RASGEF1A: variants seen among roughly 807,000 people sequenced by gnomAD.
The protein encoded by RASGEF1A is RasGEF domain family member 1A.
In RASGEF1A, 18 loss-of-function variants were observed where a neutral mutation model predicts 56.4. The observed-to-expected ratio is 0.32, with a 90% CI of 0.22 to 0.47. The LOEUF (loss-of-function observed/expected upper bound fraction) is 0.47. RASGEF1A is among the 20% of genes least tolerant of loss of function. The probability of loss-of-function intolerance (pLI) is 1.00; values close to 1 mark genes in which losing one functional copy is unlikely to be tolerated. For missense variants in RASGEF1A, 422 were observed against 627.1 expected, an observed-to-expected ratio of 0.67 and a Z score of 3.49; for synonymous variants, 245 against 242.6, an observed-to-expected ratio of 1.01 and a Z score of -0.09.
At chr10:43,262,280 T>A (rs1355678714) in intron 1 of RASGEF1A, among the ~76,000 whole-genome samples, 1 of 152,278 alleles carries the variant, frequency 6.6e-6, no homozygotes, top group African/African-American at 2.4e-5. Flanking sequence ...AGCGTTGCCA[T>A]GGCAACCAGA....
intron 1 of RASGEF1A, among the ~76,000 whole-genome samples, chr10:43,215,279 G>C (rs554560414): frequency 6.6e-6 from 1 of 152,328 alleles, no homozygotes; most frequent in African/African-American, 2.4e-5. Context: ...GCCAGCCTTG[G>C]CAGGGGGCTT....
chr10:43,240,133 A>C (rs1665171026), intron 1 of RASGEF1A, among the ~76,000 whole-genome samples: 1 of 152,240 alleles, frequency 6.6e-6, no homozygotes, highest in Non-Finnish European at 1.5e-5. Flanking sequence ...TGCTTAGCTG[A>C]GAGCTGAAAG....
chr10:43,206,226 C>T (rs1216159433), intron 1 of RASGEF1A, 104 bp from the exon 2 acceptor site: 7 of 992,030 alleles, frequency 7.1e-6, no homozygotes, highest in African/African-American at 4.9e-5. Context: ...TGCAGGGGTG[C>T]GTGGCAGGGG....
In RASGEF1A at chr10:43,194,714, AACTGATC is replaced by A. The variant is rs1268092832; in HGVS notation, c.*1523_*1529del. On this transcript the variant is annotated 3_prime_UTR_variant, in exon 13 of 13. Transcript: ENST00000395810. ...AGACACTGTTTCAAGTAGGTACTAGAACTGATCACCCGTGAAGTGCACGTGGGTGTGT... is the reference window on the plus strand; with the variant it reads ...AGACACTGTTTCAAGTAGGTACTAGAACCCGTGAAGTGCACGTGGGTGTGT... The A allele has an allele frequency of 2.6e-5, 4 of 152,384 alleles. No individual in the cohort carries two copies. Among genetic ancestry groups the A allele is most frequent in the Non-Finnish European group, 4.4e-5 (3 of 68,052 alleles). The allele number at this position is 152,384 out of a possible 1,614,324, so 9.4% of individuals were successfully genotyped here. A position where few individuals can be genotyped will look rare whatever the true frequency, so the allele number is the denominator to read the frequency against.
intron 1 of RASGEF1A, among the ~76,000 whole-genome samples, chr10:43,231,276 A>G (rs959067061): frequency 6.6e-6 from 1 of 152,216 alleles, no homozygotes; most frequent in African/African-American, 2.4e-5. Context: ...AGGTGGCTTC[A>G]TGGAGAGCAC....
intron 1 of RASGEF1A, among the ~76,000 whole-genome samples, chr10:43,262,201 A>G (rs1216322296): frequency 2.0e-5 from 3 of 152,144 alleles, no homozygotes; most frequent in Non-Finnish European, 4.4e-5. Context: ...CTGATAAACC[A>G]TCAGAACGCG....
At position 43,198,184 on chromosome 10, in the gene RASGEF1A, G is replaced by T; in HGVS notation, c.1044C>A (p.Asp348Glu). 6.2e-7 allele frequency: 1 copy of T among 1,610,956 alleles called. No homozygotes were observed. Among genetic ancestry groups the T allele is most frequent in the Non-Finnish European group, 8.5e-7 (1 of 1,177,520 alleles). ...AKFDVLEHHM[D>E]PSSNFCNYRT... ...GGTAGTTGCAGAAGTTGCTGGACGG[G>T]TCCATGTGATGCTGTGGGCACAGGG... The change falls in exon 10 of 13, where the codon GAC (aspartate) becomes GAA (glutamate). Residue 348 changes from aspartate (D) to glutamate (E), a missense_variant. This residue lies in a region of RASGEF1A where 149 missense variants were observed against 287.2 expected (regional missense o/e 0.52). Transcript: ENST00000395810.
intron 1 of RASGEF1A, among the ~76,000 whole-genome samples, chr10:43,264,843 C>A (rs1457208860): frequency 6.6e-6 from 1 of 152,140 alleles, no homozygotes; most frequent in Non-Finnish European, 1.5e-5. Context: ...GGGGCCAAAC[C>A]CCCTGCCCCC....
chr10:43,248,290 A>C (rs1212808283), intron 1 of RASGEF1A, among the ~76,000 whole-genome samples: 1 of 146,788 alleles, frequency 6.8e-6, no homozygotes, highest in Non-Finnish European at 1.5e-5. Context: ...TGGGTGACAG[A>C]GGTTGCAGTG....
At chr10:43,211,698 C>A (rs1840071257) in intron 1 of RASGEF1A, among the ~76,000 whole-genome samples, 1 of 152,190 alleles carries the variant, frequency 6.6e-6, no homozygotes. Flanking sequence ...AGGCCCCCCA[C>A]AGCTGCACCC....
At chr10:43,211,889 C>G (rs1307435053) in intron 1 of RASGEF1A, among the ~76,000 whole-genome samples, 1 of 152,226 alleles carries the variant, frequency 6.6e-6, no homozygotes, top group African/African-American at 2.4e-5. Context: ...TCTTGTCCCA[C>G]CTCCCTGCAG....
chr10:43,217,050 A>G (rs1359522568), intron 1 of RASGEF1A, among the ~76,000 whole-genome samples: 1 of 152,136 alleles, frequency 6.6e-6, no homozygotes, highest in Non-Finnish European at 1.5e-5. Context: ...CTGCACTGAG[A>G]GGCATCGTGG....
In RASGEF1A at chr10:43,236,408, G is replaced by A. The variant is rs754430175; in HGVS notation, c.-6-30286C>T. ...ATGCACATGTGTGCTTTCTGCATGTGTGCATAGGCATGGGTGTGTGTACAT... is the reference window on the plus strand; with the variant it reads ...ATGCACATGTGTGCTTTCTGCATGTATGCATAGGCATGGGTGTGTGTACAT... On this transcript the variant is annotated intron_variant, in intron 1 of 12. Coordinates refer to ENST00000395810, the MANE Select transcript of RASGEF1A (RefSeq NM_145313.4). Among the ~76,000 whole-genome samples the A allele has an allele frequency of 1.3e-4, 20 of 152,378 alleles. 1 individual carries two copies. Among genetic ancestry groups the A allele is most frequent in the South Asian group, 8.3e-4 (4 of 4,834 alleles).
intron 1 of RASGEF1A, among the ~76,000 whole-genome samples, chr10:43,227,795 G>T (rs1840300262): frequency 6.6e-6 from 1 of 152,048 alleles, no homozygotes; most frequent in South Asian, 2.1e-4. Context: ...CTGCCATCTT[G>T]CCCACCTCTA....
chr10:43,265,312 C>A (rs1358959508), intron 1 of RASGEF1A, among the ~76,000 whole-genome samples: 1 of 152,272 alleles, frequency 6.6e-6, no homozygotes, highest in Non-Finnish European at 1.5e-5. Flanking sequence ...GGCCAAGGCA[C>A]ACCTGGGATA....
At chr10:43,262,665 C>T (rs1241345576) in intron 1 of RASGEF1A, among the ~76,000 whole-genome samples, 1 of 152,254 alleles carries the variant, frequency 6.6e-6, no homozygotes, top group Admixed American at 6.5e-5. Context: ...TAGACAAGTA[C>T]ACCCAAGGCG....
chr10:43,258,029 G>C (rs1013874969), intron 1 of RASGEF1A, among the ~76,000 whole-genome samples: 5 of 152,180 alleles, frequency 3.3e-5, no homozygotes, highest in Non-Finnish European at 7.3e-5. Context: ...AACTAGGCTG[G>C]GCAGGTTTCC....
In RASGEF1A at chr10:43,201,915, C is replaced by G. The variant is rs771491443; in HGVS notation, c.352G>C (p.Val118Leu). ...TCGGTCCACTCCTTCAGGAGCTGCA[C>G]GATCTTGGCTGAGAAAGACTTCAGC... ...AKLKSFSAKI[V>L]QLLKEWTEAF... Residue 118 changes from valine (V) to leucine (L), a missense_variant, in exon 4 of 13, where the codon GTG becomes CTG. By Grantham distance (32) the Val-to-Leu change is conservative. Transcript: ENST00000395810. 6 of 1,610,338 alleles carry G rather than the reference C, an allele frequency of 3.7e-6. No homozygotes were observed. The highest frequency in any genetic ancestry group is 5.1e-6 in the Non-Finnish European group (6 of 1,177,836).
At chr10:43,227,745 G>A (rs1207178346) in intron 1 of RASGEF1A, among the ~76,000 whole-genome samples, 1 of 152,094 alleles carries the variant, frequency 6.6e-6, no homozygotes, top group African/African-American at 2.4e-5. Context: ...CACCTCTGGG[G>A]TGGGAAGTGT....
Sources: gnomAD v4.1 joint callset for allele counts (sites outside exome capture counted in the v4.1 genomes callset) on GRCh38, gnomAD v4.1.1 for gene constraint, gnomAD v4.1.1 regional missense constraint, MANE v1.5 for transcripts, NCBI Gene and HGNC (gene_info 2026-07-23, HGNC 2026-07-21) for gene names.